Variants in PLEKHA6 observed in about 807,000 individuals in gnomAD.
PLEKHA6 encodes the protein pleckstrin homology domain-containing family A member 6.
PLEKHA6 carries 60 observed loss-of-function variants against 116.7 expected under a neutral mutation model. That is an observed-to-expected ratio of 0.51 (90% CI 0.42 to 0.64). The LOEUF (loss-of-function observed/expected upper bound fraction) is 0.64, where lower values mean the gene tolerates loss of function less well. PLEKHA6 is among the 30% of genes least tolerant of loss of function. The probability of loss-of-function intolerance (pLI) is 0.00; values close to 1 mark genes in which losing one functional copy is unlikely to be tolerated. For synonymous variants in PLEKHA6, 489 were observed against 556.1 expected (o/e 0.88, Z 1.70); for missense variants, 1,338 against 1,422.7 (o/e 0.94, Z 0.96).
At chr1:204,281,469 G>A (rs915794795) in intron 1 of PLEKHA6, among the ~76,000 whole-genome samples, 6 of 152,056 alleles carry the variant, frequency 3.9e-5, no homozygotes, top group African/African-American at 1.4e-4. Context: ...AGCTTGCAGT[G>A]AGCCGAGATT....
intron 17 of PLEKHA6, among the ~76,000 whole-genome samples, chr1:204,235,551 A>C (rs1454952252): frequency 6.6e-6 from 1 of 152,206 alleles, no homozygotes; most frequent in Admixed American, 6.5e-5. Flanking sequence ...AACAGACACA[A>C]GCTCTTATCA....
At chr1:204,304,221 G>T (rs1387845056) in intron 1 of PLEKHA6, among the ~76,000 whole-genome samples, 1 of 152,156 alleles carries the variant, frequency 6.6e-6, no homozygotes, top group Non-Finnish European at 1.5e-5. Flanking sequence ...ATAAGAATGC[G>T]CAAGTCCTAA....
intron 1 of PLEKHA6, among the ~76,000 whole-genome samples, chr1:204,291,515 CA>C (rs1180627435): frequency 5.3e-5 from 8 of 152,192 alleles, no homozygotes; most frequent in Non-Finnish European, 1.0e-4. Context: ...CCCCAAACTA[CA>C]AACAACTCAA....
At chr1:204,339,167 C>T (rs1672759934) in intron 1 of PLEKHA6, among the ~76,000 whole-genome samples, 1 of 152,218 alleles carries the variant, frequency 6.6e-6, no homozygotes. Flanking sequence ...GGTTGACAGG[C>T]CCCGCTGAGC....
chr1:204,344,783 C>G (rs986539545), intron 1 of PLEKHA6, among the ~76,000 whole-genome samples: 1 of 147,312 alleles, frequency 6.8e-6, no homozygotes, highest in Admixed American at 6.8e-5. Flanking sequence ...CAGAAAAGGA[C>G]AGATGAGATG....
intron 13 of PLEKHA6, among the ~76,000 whole-genome samples, chr1:204,246,800 G>A (rs961437751): frequency 2.6e-5 from 4 of 152,158 alleles, no homozygotes; most frequent in Non-Finnish European, 4.4e-5. Flanking sequence ...CTCCCGCAGC[G>A]CCTACTCTTC....
At chr1:204,312,196 T>A (rs1380724972) in intron 1 of PLEKHA6, among the ~76,000 whole-genome samples, 2 of 152,152 alleles carry the variant, frequency 1.3e-5, no homozygotes, top group African/African-American at 4.8e-5. Flanking sequence ...TTCCCTACAG[T>A]CCAAGGCTTC....
At chr1:204,307,273 T>G (rs1006800212) in intron 1 of PLEKHA6, 17 of 152,212 alleles carry the variant, frequency 1.1e-4, no homozygotes, top group African/African-American at 4.1e-4. Context: ...CCGGGTCCTC[T>G]CCACTGAAAG....
At chr1:204,360,818 A>G (rs1673542804), upstream of PLEKHA6, among the ~76,000 whole-genome samples, 1 of 152,192 alleles carries the variant, frequency 6.6e-6, no homozygotes, top group Non-Finnish European at 1.5e-5. Flanking sequence ...TGTATTATTC[A>G]GGATCAGAGG....
intron 5 of PLEKHA6, 54 bp downstream of exon 5, chr1:204,267,421 G>C (rs1666952827): frequency 6.8e-7 from 1 of 1,472,498 alleles, no homozygotes; most frequent in Non-Finnish European, 9.5e-7. Flanking sequence ...GAATGAGAAA[G>C]AGTAGTGGGT....
In PLEKHA6 at chr1:204,261,513, T is replaced by G; in HGVS notation, c.382-65A>C. 1 of 1,518,378 alleles carries G rather than the reference T, an allele frequency of 6.6e-7. No individual in the cohort carries two copies. Among genetic ancestry groups the G allele is most frequent in the Non-Finnish European group, 8.9e-7 (1 of 1,129,800 alleles). The allele number at this position is 1,518,378 out of a possible 1,614,324, so 94.1% of individuals were successfully genotyped here. Reference sequence around the variant, plus strand: ...ATCCACCCAGCACACAGTCACCTGTTGGGAGAAGACACCAACGCCCACAGA... The same window carrying G: ...ATCCACCCAGCACACAGTCACCTGTGGGGAGAAGACACCAACGCCCACAGA... On this transcript the variant is annotated intron_variant, in intron 6 of 22. Transcript: ENST00000272203. This position sits in a 1 kb window ranked among gnomAD's most constrained non-coding sequence, Gnocchi z 4.0.
Position 204,277,681 on chromosome 1 carries a change from A to G in PLEKHA6, c.-94-2872T>C, listed in dbSNP as rs1668162896. Reference sequence around the variant, plus strand: ...TGCTGTTATTGCTGCCGCTGCTGAGAAGCTGAGATTGATTGAGCAGTTCTC... The same window carrying G: ...TGCTGTTATTGCTGCCGCTGCTGAGGAGCTGAGATTGATTGAGCAGTTCTC... On this transcript the variant is annotated intron_variant, in intron 1 of 22. Transcript: ENST00000272203. The surrounding 1 kb of genome is among the most constrained non-coding windows in gnomAD (Gnocchi z 4.1). 2 of 152,118 alleles carry G rather than the reference A, an allele frequency of 1.3e-5. No homozygotes were observed. Among genetic ancestry groups the G allele is most frequent in the Admixed American group, 1.3e-4 (2 of 15,284 alleles). 9.4% of individuals were successfully genotyped at this position (152,118 alleles called of 1,614,324 possible).
At chr1:204,290,824 T>C (rs1313807735) in intron 1 of PLEKHA6, among the ~76,000 whole-genome samples, 2 of 151,936 alleles carry the variant, frequency 1.3e-5, no homozygotes, top group Non-Finnish European at 2.9e-5. Flanking sequence ...ATCCCGTCAC[T>C]ACTAACAATA....
At chr1:204,342,597 T>G (rs923474789) in intron 1 of PLEKHA6, among the ~76,000 whole-genome samples, 2 of 152,224 alleles carry the variant, frequency 1.3e-5, no homozygotes, top group African/African-American at 4.8e-5. Flanking sequence ...AGGCCTGAGA[T>G]TCTGCATTTC....
At chr1:204,258,037 C>T (rs4951336) in intron 8 of PLEKHA6, among the ~76,000 whole-genome samples, 168 bp from the exon 9 acceptor site, 107,779 of 151,912 alleles carry the variant, frequency 0.71, 38,618 homozygotes, top group East Asian at 0.82. Flanking sequence ...CACAGCCCCC[C>T]TCCTCAAACA....
chr1:204,240,975 G>A (rs756550922), intron 17 of PLEKHA6, among the ~76,000 whole-genome samples: 1 of 152,144 alleles, frequency 6.6e-6, no homozygotes, highest in African/African-American at 2.4e-5. Flanking sequence ...TCCCGTGCTG[G>A]ATGCTTCCTG....
intron 1 of PLEKHA6, among the ~76,000 whole-genome samples, chr1:204,328,094 A>T (rs1572186570): frequency 9.5e-6 from 1 of 105,472 alleles, no homozygotes; most frequent in African/African-American, 3.3e-5. Context: ...TTATTTATTT[A>T]TTTTTGAGAC....
In PLEKHA6 at chr1:204,296,235, A is replaced by T. The variant is rs574427392; in HGVS notation, c.-94-21426T>A. The stretch of plus-strand genomic sequence containing the variant: ...TCCTCCTCCCCATGTGGATTTCTGA[A>T]CACTGGTGCACACTCACATGCGTGT... On this transcript the variant is annotated intron_variant, in intron 1 of 22. Coordinates refer to ENST00000272203, the MANE Select transcript of PLEKHA6 (RefSeq NM_014935.5). Among the ~76,000 whole-genome samples the T allele has an allele frequency of 2.0e-5, 3 of 152,200 alleles. No individual in the cohort carries two copies. In the South Asian group the frequency reaches 6.2e-4, roughly 32 times the overall value.
intron 1 of PLEKHA6, chr1:204,297,299 A>C (rs958409677): frequency 9.0e-6 from 6 of 664,696 alleles, no homozygotes; most frequent in East Asian, 1.4e-4. Flanking sequence ...GGAAAGTCTC[A>C]AGACAAAGAC....
Sources: gnomAD v4.1 joint callset for allele counts (sites outside exome capture counted in the v4.1 genomes callset) on GRCh38, gnomAD v4.1.1 for gene constraint, Gnocchi (gnomAD v3.1) non-coding constraint, MANE v1.5 for transcripts, NCBI Gene and HGNC (gene_info 2026-07-23, HGNC 2026-07-21) for gene names.